The following ROBO1 variants were observed in gnomAD, a reference collection of about 807,000 sequenced individuals.
The protein encoded by ROBO1 is roundabout guidance receptor 1, also known as roundabout homolog 1.
A neutral mutation model predicts 195.9 loss-of-function variants in ROBO1; 149 were observed. That is an observed-to-expected ratio of 0.76 (90% CI 0.67 to 0.87). ROBO1 has a LOEUF of 0.87. Among genes scored for constraint, ROBO1 ranks in the 40% least tolerant of loss-of-function variants. The pLI is 0.00. For missense variants in ROBO1, 1,933 were observed against 2,068.3 expected (o/e 0.93, Z 1.27); for synonymous variants, 816 against 733.2 (o/e 1.11, Z -1.82).
intron 4 of ROBO1, among the ~76,000 whole-genome samples, chr3:78,869,700 A>ACTC (rs2035431421): frequency 6.6e-6 from 1 of 151,278 alleles, no homozygotes; most frequent in South Asian, 2.1e-4. Flanking sequence ...CTCCAGTGAT[A>ACTC]CTCCTGCCTC....
At chr3:78,600,969 T>G (rs1703137566) in intron 29 of ROBO1, among the ~76,000 whole-genome samples, 1 of 152,128 alleles carries the variant, frequency 6.6e-6, no homozygotes. Context: ...CTGCTATTGT[T>G]GCTAACTTCA....
chr3:79,674,447 G>T (rs899361409), intron 1 of ROBO1, among the ~76,000 whole-genome samples: 6 of 151,704 alleles, frequency 4.0e-5, no homozygotes, highest in African/African-American at 1.5e-4. Context: ...TATGTTTGTT[G>T]CAAAAATTTT....
intron 4 of ROBO1, among the ~76,000 whole-genome samples, chr3:78,907,587 C>A (rs1576379562): frequency 1.3e-5 from 2 of 152,140 alleles, no homozygotes; most frequent in East Asian, 3.9e-4. Flanking sequence ...GTCCTAGTTA[C>A]ATTTGATAAA....
At chr3:79,760,235 T>TAAAAAA (rs1704615707) in intron 1 of ROBO1, among the ~76,000 whole-genome samples, 1 of 5,442 alleles carries the variant, frequency 1.8e-4, no homozygotes, top group Non-Finnish European at 3.6e-4. Context: ...AGACCCTATC[T>TAAAAAA]CAAAAAAAAA....
rs140181468 is a variant in ROBO1, at chr3:78,819,608, T to C, written c.500-72708A>G. 8.3e-3 allele frequency among the ~76,000 whole-genome samples: 1,268 copies of C among 152,278 alleles called. 11 individuals carry two copies. The highest frequency in any genetic ancestry group is 0.029 in the African/African-American group (1,207 of 41,560). ...TGTGTCTGAAATCAAGTTTTATGTCTGTGTGTCTGACTCTGGACTCAGAAC... is the reference window on the plus strand; with the variant it reads ...TGTGTCTGAAATCAAGTTTTATGTCCGTGTGTCTGACTCTGGACTCAGAAC... On this transcript the variant is annotated intron_variant, in intron 4 of 30. Coordinates refer to ENST00000464233, the MANE Select transcript of ROBO1 (RefSeq NM_002941.4).
chr3:79,397,023 G>A (rs1182486969), intron 2 of ROBO1, among the ~76,000 whole-genome samples: 1 of 151,798 alleles, frequency 6.6e-6, no homozygotes, highest in Non-Finnish European at 1.5e-5. Context: ...TCTATATTTA[G>A]TCTATCTGTC....
chr3:78,974,514 T>A (rs746953245), intron 3 of ROBO1, among the ~76,000 whole-genome samples: 3 of 152,036 alleles, frequency 2.0e-5, no homozygotes, highest in Non-Finnish European at 4.4e-5. Flanking sequence ...AAACTCAATA[T>A]ACGAAAAAAA....
At chr3:79,532,620 CT>C (rs1941704117) in intron 2 of ROBO1, among the ~76,000 whole-genome samples, 1 of 123,706 alleles carries the variant, frequency 8.1e-6, no homozygotes, top group South Asian at 2.5e-4. Flanking sequence ...CTGATCTTTT[CT>C]CACATATTAT....
intron 1 of ROBO1, among the ~76,000 whole-genome samples, chr3:79,668,958 T>A (rs1194313832): frequency 6.6e-6 from 1 of 151,900 alleles, no homozygotes; most frequent in Non-Finnish European, 1.5e-5. Flanking sequence ...TTGGTCAACA[T>A]GTGTACAATG....
At chr3:78,907,605 T>C (rs1010093977) in intron 4 of ROBO1, among the ~76,000 whole-genome samples, 3 of 152,040 alleles carry the variant, frequency 2.0e-5, no homozygotes, top group African/African-American at 7.2e-5. Flanking sequence ...AAACAAGGGA[T>C]GGCAATTCAC....
intron 3 of ROBO1, among the ~76,000 whole-genome samples, chr3:79,061,264 G>C (rs970222642): frequency 1.3e-5 from 2 of 152,058 alleles, no homozygotes; most frequent in African/African-American, 4.8e-5. Context: ...ACTACAAAGA[G>C]AATAAAATAC....
At chr3:78,887,207 G>A (rs1455719774) in intron 4 of ROBO1, among the ~76,000 whole-genome samples, 4 of 152,138 alleles carry the variant, frequency 2.6e-5, no homozygotes, top group Non-Finnish European at 4.4e-5. Flanking sequence ...GTGGCATGAC[G>A]GCAGCAGGTT....
intron 9 of ROBO1, 35 bp from the exon 10 acceptor site, chr3:78,685,952 A>G: frequency 6.7e-7 from 1 of 1,496,034 alleles, no homozygotes; most frequent in Non-Finnish European, 9.0e-7. Context: ...GGAAAATAAA[A>G]ATAGGTTAAT....
intron 1 of ROBO1, among the ~76,000 whole-genome samples, chr3:79,662,702 A>G (rs1394691153): frequency 6.6e-6 from 1 of 152,042 alleles, no homozygotes; most frequent in Non-Finnish European, 1.5e-5. Flanking sequence ...TCAAATTCCC[A>G]GTGGACCCCA....
chr3:78,910,640 G>A (rs929163506), intron 4 of ROBO1, among the ~76,000 whole-genome samples: 1 of 151,902 alleles, frequency 6.6e-6, no homozygotes, highest in Non-Finnish European at 1.5e-5. Flanking sequence ...GGCAAATGAC[G>A]GGATATGACC....
At chr3:79,084,077 C>CATCT (rs1438730931) in intron 3 of ROBO1, among the ~76,000 whole-genome samples, 1 of 152,162 alleles carries the variant, frequency 6.6e-6, no homozygotes, top group Non-Finnish European at 1.5e-5. Context: ...ATTATAAAGT[C>CATCT]ATCTAGTTTA....
intron 30 of ROBO1, 108 bp downstream of exon 30, chr3:78,600,005 A>T (rs762992357): frequency 1.1e-6 from 1 of 909,184 alleles, no homozygotes; most frequent in Non-Finnish European, 1.8e-6. Context: ...TAGAGTACTG[A>T]AAAGTTTGCA....
At chr3:79,643,936 T>C (rs13081305) in intron 1 of ROBO1, among the ~76,000 whole-genome samples, 88,152 of 151,844 alleles carry the variant, frequency 0.58, 25,918 homozygotes, top group South Asian at 0.67. Context: ...ACACGCAAGT[T>C]TACACTGTCT....
At chr3:79,702,067 C>T (rs977624346) in intron 1 of ROBO1, among the ~76,000 whole-genome samples, 29 of 135,712 alleles carry the variant, frequency 2.1e-4, no homozygotes, top group South Asian at 8.9e-4. Flanking sequence ...AGTTATATTG[C>T]ACACAAATAA....
Sources: gnomAD v4.1 joint callset for allele counts (sites outside exome capture counted in the v4.1 genomes callset) on GRCh38, gnomAD v4.1.1 for gene constraint, MANE v1.5 for transcripts, NCBI Gene and HGNC (gene_info 2026-07-23, HGNC 2026-07-21) for gene names.